ATP6V0D2: variants seen among roughly 807,000 people sequenced by gnomAD.
The protein encoded by ATP6V0D2 is V-type proton ATPase subunit d 2.
Under a neutral mutation model 40.0 loss-of-function variants are expected in ATP6V0D2, and 40 were observed. The ratio of observed to expected loss-of-function variants is 1.00; its 90% CI spans 0.78 to 1.30. The LOEUF is 1.30. Among genes scored for constraint, ATP6V0D2 ranks in the 50% most tolerant of loss-of-function variants. The pLI is 0.00. For missense variants in ATP6V0D2, 470 were observed against 423.1 expected (o/e 1.11, Z -0.97); for synonymous variants, 179 against 156.3 (o/e 1.15, Z -1.08).
chr8:86,146,841 C>A (rs936229327), intron 5 of ATP6V0D2, among the ~76,000 whole-genome samples: 1 of 152,070 alleles, frequency 6.6e-6, no homozygotes, highest in Non-Finnish European at 1.5e-5. Flanking sequence ...AATTACCTCC[C>A]TTTTACTTTT....
rs138331171 is a variant in ATP6V0D2 at position 86,141,075 on chromosome 8, T to A, written c.482-375T>A. ...CTCCTATGAGAACCTAATGCTGCCG[T>A]TGATCTGACAGGAGGGGGAGCTCAG... is the stretch of plus-strand genomic sequence containing the variant. On this transcript the variant is annotated intron_variant, in intron 3 of 7. Coordinates refer to ENST00000285393, the MANE Select transcript of ATP6V0D2 (RefSeq NM_152565.1). Among the ~76,000 whole-genome samples, 4 of 152,240 alleles carry A rather than the reference T, an allele frequency of 2.6e-5. No individual in the cohort carries two copies. The South Asian group carries it at 8.3e-4, about 32-fold the overall frequency.
chr8:86,121,283 T>C (rs190767122), intron 2 of ATP6V0D2, among the ~76,000 whole-genome samples: 1 of 152,224 alleles, frequency 6.6e-6, no homozygotes, highest in East Asian at 1.9e-4. Context: ...TAAGAAATGA[T>C]ATATGGCCAG....
At position 86,128,129 on chromosome 8, in the gene ATP6V0D2, G is replaced by A. The variant is rs1354616678; in HGVS notation, c.303-11328G>A. The stretch of plus-strand genomic sequence containing the variant: ...CATGCCTGTAATCCCAGCTCTTTGG[G>A]AGGCTGAGGCGGGCAGAGACCAGCC... On this transcript the variant is annotated intron_variant, in intron 2 of 7. Transcript: ENST00000285393. Among the ~76,000 whole-genome samples the A allele has an allele frequency of 2.6e-5, 4 of 152,136 alleles. No homozygotes were observed. The East Asian group carries it at 5.8e-4, about 22-fold the overall frequency.
At chr8:86,102,398 C>T (rs778544843) in intron 1 of ATP6V0D2, among the ~76,000 whole-genome samples, 8 of 152,102 alleles carry the variant, frequency 5.3e-5, no homozygotes, top group African/African-American at 1.9e-4. Context: ...AAATATACAC[C>T]ATACAAACTA....
chr8:86,112,557 T>A (rs1163737740), intron 1 of ATP6V0D2, among the ~76,000 whole-genome samples: 1 of 152,174 alleles, frequency 6.6e-6, no homozygotes, highest in Admixed American at 6.6e-5. Context: ...TTCAGTACAA[T>A]ACCTGGTACC....
rs145474498 is a variant in ATP6V0D2 at position 86,143,348 on chromosome 8, G to T, written c.639+394G>T. Reference sequence around the variant, plus strand: ...TTGGATCTCAGCAAGAAAGAATTTGGGTCCATAGAGTAAAGTGAAAGCAAG... The same window carrying T: ...TTGGATCTCAGCAAGAAAGAATTTGTGTCCATAGAGTAAAGTGAAAGCAAG... On this transcript the variant is annotated intron_variant, in intron 5 of 7. Coordinates refer to ENST00000285393, the MANE Select transcript of ATP6V0D2 (RefSeq NM_152565.1). 2.9e-3 allele frequency among the ~76,000 whole-genome samples: 443 copies of T among 152,228 alleles called. 3 individuals carry two copies. The highest frequency in any genetic ancestry group is 0.01 in the African/African-American group (422 of 41,542).
intron 7 of ATP6V0D2, 140 bp from the exon 8 acceptor site, chr8:86,152,676 C>A: frequency 4.5e-6 from 3 of 665,886 alleles, no homozygotes. Context: ...TCACCATACT[C>A]CTCTATTTGG....
At chr8:86,126,686 A>T (rs1818749537) in intron 2 of ATP6V0D2, among the ~76,000 whole-genome samples, 1 of 152,210 alleles carries the variant, frequency 6.6e-6, no homozygotes, top group African/African-American at 2.4e-5. Context: ...AAGAAAAAAG[A>T]TATCACCTCT....
intron 6 of ATP6V0D2, among the ~76,000 whole-genome samples, 166 bp downstream of exon 6, chr8:86,150,454 A>G (rs1586106708): frequency 6.6e-6 from 1 of 152,070 alleles, no homozygotes; most frequent in African/African-American, 2.4e-5. Context: ...GAAACACGTT[A>G]AGTTTCTAGC....
rs778121462 is a variant in ATP6V0D2 at position 86,142,897 on chromosome 8, T to C, written c.582T>C (p.Tyr194=). Residue 194 remains tyrosine (Y), a synonymous_variant, in exon 5 of 8, where the codon TAT becomes TAC. Transcript: ENST00000285393. ...TTAAGTCTTACCTTGAGGCATTCTATAAATTCTGTAAGAATCATGGTGATG... is the reference window on the plus strand; with the variant it reads ...TTAAGTCTTACCTTGAGGCATTCTACAAATTCTGTAAGAATCATGGTGATG... ...KLYKSYLEAF[Y]KFCKNHGDVT... 1.2e-6 allele frequency: 2 copies of C among 1,608,336 alleles called. No individual in the cohort carries two copies. The highest frequency in any genetic ancestry group is 2.2e-5 in the South Asian group (2 of 90,644).
At chr8:86,119,718 A>C (rs988407676) in intron 2 of ATP6V0D2, among the ~76,000 whole-genome samples, 1 of 152,240 alleles carries the variant, frequency 6.6e-6, no homozygotes, top group Non-Finnish European at 1.5e-5. Flanking sequence ...AGATAATCAC[A>C]AAGCCCAGGG....
intron 2 of ATP6V0D2, among the ~76,000 whole-genome samples, chr8:86,131,800 C>A (rs1382040509): frequency 6.6e-6 from 1 of 152,092 alleles, no homozygotes; most frequent in East Asian, 1.9e-4. Context: ...TGCACCCAGC[C>A]TTATGTCCAT....
rs1818519610 is a variant in ATP6V0D2 at position 86,110,726 on chromosome 8, C to T, written c.131-2983C>T. On this transcript the variant is annotated intron_variant, in intron 1 of 7. Coordinates refer to ENST00000285393, the MANE Select transcript of ATP6V0D2 (RefSeq NM_152565.1). ...TAAACTTCATGATGCAGAAACCAAT[C>T]ACCAAAACTTGATGATTTGGAAACA... is the stretch of plus-strand genomic sequence containing the variant. Among the ~76,000 whole-genome samples the T allele has an allele frequency of 2.0e-5, 3 of 152,148 alleles. No homozygotes were observed. The South Asian group carries it at 6.2e-4, about 32-fold the overall frequency.
intron 2 of ATP6V0D2, among the ~76,000 whole-genome samples, chr8:86,129,057 ATCT>A (rs771271862): frequency 1.6e-4 from 24 of 152,234 alleles, no homozygotes; most frequent in African/African-American, 2.9e-4. Context: ...ACAGGAAAAT[ATCT>A]TCTTCTAACA....
chr8:86,132,381 C>G (rs564557999), intron 2 of ATP6V0D2, among the ~76,000 whole-genome samples: 59 of 152,168 alleles, frequency 3.9e-4, no homozygotes, highest in Admixed American at 3.3e-4. Flanking sequence ...TTGTTGTTAA[C>G]TATAGTCACT....
chr8:86,113,867 C>T lies in ATP6V0D2; in HGVS notation c.289C>T (p.Leu97Phe), dbSNP rs759320746. Residue 97 changes from leucine to phenylalanine, a missense_variant, in exon 2 of 8, where the codon CTC becomes TTC. Physicochemically the swap from Leu to Phe is conservative, Grantham distance 22. Transcript: ENST00000285393. ...NHSLEPLSTF[L>F]TYMTCSYMID... ...TTCCCTGGAGCCCCTCAGCACATTT[C>T]TCACCTATATGACGTAAGTGATGAC... The T allele has an allele frequency of 6.2e-7, 1 of 1,612,932 alleles. No individual in the cohort carries two copies. The highest frequency in any genetic ancestry group is 8.5e-7 in the Non-Finnish European group (1 of 1,179,490).
chr8:86,136,890 G>C (rs1017946951), intron 2 of ATP6V0D2, among the ~76,000 whole-genome samples: 3 of 152,066 alleles, frequency 2.0e-5, no homozygotes, highest in African/African-American at 7.2e-5. Context: ...GTGAAACCTC[G>C]AGGACTAGGT....
At chr8:86,140,181 T>A (rs1347026130) in intron 3 of ATP6V0D2, among the ~76,000 whole-genome samples, 1 of 152,150 alleles carries the variant, frequency 6.6e-6, no homozygotes, top group African/African-American at 2.4e-5. Flanking sequence ...TCATTATAAT[T>A]TGGCACTAAC....
In ATP6V0D2 at chr8:86,098,952, C is replaced by A; in HGVS notation, c.-27C>A. On this transcript the variant is annotated 5_prime_UTR_variant, in exon 1 of 8. Coordinates refer to ENST00000285393, the MANE Select transcript of ATP6V0D2 (RefSeq NM_152565.1). ...GTCCAGGACTACAGAGCTGTTTCAC[C>A]CTACCTTGGCTTCAATCTCTTCCCC... 1 of 1,610,042 alleles carries A rather than the reference C, an allele frequency of 6.2e-7. No homozygotes were observed. Among genetic ancestry groups the A allele is most frequent in the Non-Finnish European group, 8.5e-7 (1 of 1,178,236 alleles).
Sources: gnomAD v4.1 joint callset for allele counts (sites outside exome capture counted in the v4.1 genomes callset) on GRCh38, gnomAD v4.1.1 for gene constraint, MANE v1.5 for transcripts, NCBI Gene and HGNC (gene_info 2026-07-23, HGNC 2026-07-21) for gene names.